MCTP2: variants seen among roughly 807,000 people sequenced by gnomAD.
MCTP2 encodes multiple C2 and transmembrane domain containing 2.
MCTP2 carries 132 observed loss-of-function variants against 111.6 expected under a neutral mutation model. That is an observed-to-expected ratio of 1.18 (90% CI 1.03 to 1.37). The LOEUF (loss-of-function observed/expected upper bound fraction) is 1.37, where lower values mean the gene tolerates loss of function less well. Ranked by LOEUF, MCTP2 falls within the 40% of genes most tolerant of loss-of-function variation. MCTP2 has a pLI of 0.00. For synonymous variants in MCTP2, 395 were observed against 387.7 expected, an observed-to-expected ratio of 1.02 and a Z score of -0.22; for missense variants, 1,183 against 1,067.9, an observed-to-expected ratio of 1.11 and a Z score of -1.50.
At chr15:94,402,071 C>T in intron 17 of MCTP2, 52 bp downstream of exon 17, 1 of 1,592,572 alleles carries the variant, frequency 6.3e-7, no homozygotes, top group Non-Finnish European at 8.6e-7. Flanking sequence ...TGCATCTATT[C>T]ATCTTTCTGA....
chr15:94,387,461 A>C (rs1000894714), intron 14 of MCTP2, among the ~76,000 whole-genome samples: 1 of 152,200 alleles, frequency 6.6e-6, no homozygotes, highest in African/African-American at 2.4e-5. Flanking sequence ...TTTTCAAAAC[A>C]TATCTTTCAA....
chr15:94,402,550 C>A, intron 17 of MCTP2: 1 of 1,551,712 alleles, frequency 6.4e-7, no homozygotes, highest in Non-Finnish European at 8.7e-7. Context: ...ATTGGCCCAT[C>A]CTTATGAGCA....
chr15:94,383,979 G>A (rs368788648), intron 12 of MCTP2, 43 bp from the exon 13 acceptor site: 86 of 1,401,876 alleles, frequency 6.1e-5, no homozygotes, highest in Admixed American at 1.3e-4. Context: ...TGTCCCTTTC[G>A]AGATTCACTT....
chr15:94,282,681 A>G (rs780129011), intron 1 of MCTP2, among the ~76,000 whole-genome samples: 1 of 152,180 alleles, frequency 6.6e-6, no homozygotes, highest in Non-Finnish European at 1.5e-5. Flanking sequence ...TGTTCCTTTA[A>G]TCTTTTAAGT....
At chr15:94,351,493 C>T (rs1339054672) in intron 8 of MCTP2, among the ~76,000 whole-genome samples, 7 of 152,088 alleles carry the variant, frequency 4.6e-5, no homozygotes, top group South Asian at 4.1e-4. Flanking sequence ...ATTTTTCTTA[C>T]GAAGTTGATT....
intron 1 of MCTP2, among the ~76,000 whole-genome samples, chr15:94,235,921 T>C (rs2070507539): frequency 6.6e-6 from 1 of 152,210 alleles, no homozygotes; most frequent in East Asian, 1.9e-4. Context: ...TCGTAGTCAT[T>C]TGCTGACTAC....
chr15:94,232,564 T>G (rs1013506158), intron 1 of MCTP2, among the ~76,000 whole-genome samples: 2 of 152,248 alleles, frequency 1.3e-5, no homozygotes, highest in African/African-American at 4.8e-5. Flanking sequence ...AGCATTTCAA[T>G]TCAACAAATA....
At chr15:94,371,972 A>G (rs1461010630) in intron 12 of MCTP2, among the ~76,000 whole-genome samples, 1 of 152,162 alleles carries the variant, frequency 6.6e-6, no homozygotes, top group African/African-American at 2.4e-5. Context: ...ATCTCCAAAG[A>G]GTATTTTGAC....
At chr15:94,374,928 A>AAT (rs1252619031) in intron 12 of MCTP2, among the ~76,000 whole-genome samples, 1 of 152,210 alleles carries the variant, frequency 6.6e-6, no homozygotes, top group Non-Finnish European at 1.5e-5. Context: ...TATAGGCTTC[A>AAT]ATATCCTCTC....
intron 4 of MCTP2, among the ~76,000 whole-genome samples, chr15:94,328,389 A>C (rs1278561906): frequency 1.3e-5 from 2 of 152,066 alleles, no homozygotes; most frequent in South Asian, 2.1e-4. Context: ...TGGCCTCCCA[A>C]AGTGCTGGGA....
chr15:94,377,457 A>G (rs1290066532), intron 12 of MCTP2, among the ~76,000 whole-genome samples: 1 of 152,208 alleles, frequency 6.6e-6, no homozygotes, highest in East Asian at 1.9e-4. Context: ...TAGCCATTGC[A>G]AAGTTTGGGA....
Position 94,404,915 on chromosome 15 carries a change from C to T in MCTP2, c.2085+2896C>T, listed in dbSNP as rs546851015. Reference sequence around the variant, plus strand: ...GGGGTGACACACACTGACGGATGTTCTCCTGTGATCTGTTGACAGAATGCT... The same window carrying T: ...GGGGTGACACACACTGACGGATGTTTTCCTGTGATCTGTTGACAGAATGCT... On this transcript the variant is annotated intron_variant, in intron 17 of 22. Coordinates refer to ENST00000357742, the MANE Select transcript of MCTP2 (RefSeq NM_001385001.1). Among the ~76,000 whole-genome samples the T allele has an allele frequency of 2.3e-3, 355 of 152,270 alleles. 2 individuals are homozygous for T. Among genetic ancestry groups the T allele is most frequent in the Non-Finnish European group, 3.0e-3 (204 of 68,028 alleles).
At chr15:94,436,940 G>T (rs2152506773) in intron 17 of MCTP2, among the ~76,000 whole-genome samples, 1 of 151,754 alleles carries the variant, frequency 6.6e-6, no homozygotes, top group Admixed American at 6.5e-5. Flanking sequence ...ACCTAATAAA[G>T]AAATTACTAT....
intron 1 of MCTP2, among the ~76,000 whole-genome samples, chr15:94,270,550 TG>T (rs949750252): frequency 5.9e-5 from 9 of 152,064 alleles, no homozygotes; most frequent in African/African-American, 2.2e-4. Flanking sequence ...CATCTCCTGG[TG>T]GTCCCCCTCT....
At chr15:94,355,735 A>G (rs1318567090) in intron 8 of MCTP2, among the ~76,000 whole-genome samples, 1 of 152,212 alleles carries the variant, frequency 6.6e-6, no homozygotes, top group East Asian at 1.9e-4. Context: ...TTATTTCTGA[A>G]TGCCCAGAGA....
chr15:94,403,310 G>A (rs1031231288), intron 17 of MCTP2: 12 of 929,732 alleles, frequency 1.3e-5, no homozygotes, highest in Middle Eastern at 5.4e-4. Flanking sequence ...CCTTTCTCAC[G>A]TTCTCCTCAG....
At chr15:94,323,558 G>A (rs11854919) in intron 4 of MCTP2, among the ~76,000 whole-genome samples, 68,383 of 151,950 alleles carry the variant, frequency 0.45, 17,294 homozygotes, top group East Asian at 0.62. Context: ...TGGCATGTGG[G>A]CCTTCAGCCT....
chr15:94,311,973 C>G (rs1346610027), intron 2 of MCTP2, among the ~76,000 whole-genome samples: 1 of 152,178 alleles, frequency 6.6e-6, no homozygotes, highest in African/African-American at 2.4e-5. Flanking sequence ...ACAAGACCAT[C>G]ATTATCCTTG....
intron 17 of MCTP2, among the ~76,000 whole-genome samples, chr15:94,403,587 T>C (rs2081722262): frequency 6.6e-6 from 1 of 152,108 alleles, no homozygotes; most frequent in South Asian, 2.1e-4. Context: ...ATGACAGAAA[T>C]GATTAATGGG....
Sources: allele counts gnomAD v4.1 joint callset (sites outside exome capture counted in the v4.1 genomes callset), GRCh38; gene constraint gnomAD v4.1.1; transcripts MANE v1.5; gene names NCBI Gene and HGNC (gene_info 2026-07-23, HGNC 2026-07-21).